The following SCAI variants were observed in gnomAD, a reference collection of about 807,000 sequenced individuals.
SCAI encodes suppressor of cancer cell invasion.
A neutral mutation model predicts 92.2 loss-of-function variants in SCAI; 24 were observed. The ratio of observed to expected loss-of-function variants is 0.26; its 90% CI spans 0.19 to 0.37. The LOEUF is 0.37. SCAI is among the 10% of genes least tolerant of loss of function. The pLI is 1.00. For synonymous variants in SCAI, 261 were observed against 258.6 expected, an observed-to-expected ratio of 1.01 and a Z score of -0.09; for missense variants, 450 against 736.2, an observed-to-expected ratio of 0.61 and a Z score of 4.50.
At chr9:125,143,340 G>A in intron 1 of SCAI, 45 bp downstream of exon 1, 1 of 1,200,122 alleles carries the variant, frequency 8.3e-7, no homozygotes, top group Non-Finnish European at 1.1e-6. Flanking sequence ...CCGCTCCCTG[G>A]CCCCCACCCC....
At chr9:125,005,685 T>C (rs892865161) in intron 9 of SCAI, among the ~76,000 whole-genome samples, 25 of 152,312 alleles carry the variant, frequency 1.6e-4, no homozygotes, top group Middle Eastern at 3.4e-3. Context: ...TGGGCACTAA[T>C]GCCTTGTTTT....
At position 125,091,824 on chromosome 9, in the gene SCAI, G is replaced by T. The variant is rs1022135124; in HGVS notation, c.99-35817C>A. Among the ~76,000 whole-genome samples the T allele has an allele frequency of 2.0e-5, 3 of 152,110 alleles. No homozygotes were observed. The highest frequency in any genetic ancestry group is 7.2e-5 in the African/African-American group (3 of 41,428). ...GTTTTATATTTCACTAAAAAACAGA[G>T]GCTTGGGCCGGGCACAGTGGCTCAC... On this transcript the variant is annotated intron_variant, in intron 2 of 17. Transcript: ENST00000336505. The surrounding 1 kb of genome is among the most constrained non-coding windows in gnomAD (Gnocchi z 4.3).
At chr9:125,126,427 G>C (rs970540655) in intron 2 of SCAI, among the ~76,000 whole-genome samples, 4 of 151,584 alleles carry the variant, frequency 2.6e-5, no homozygotes, top group African/African-American at 9.8e-5. Flanking sequence ...GTGTGTGAGA[G>C]AGAGAGAGAA....
At chr9:125,027,005 A>T in intron 5 of SCAI, 95 bp from the exon 6 acceptor site, 5 of 584,332 alleles carry the variant, frequency 8.6e-6, no homozygotes, top group Non-Finnish European at 8.6e-6. Context: ...CCTCTGTGGC[A>T]CGGGGTGCGG....
At chr9:124,988,963 C>A (rs1323938871) in intron 14 of SCAI, among the ~76,000 whole-genome samples, 2 of 152,008 alleles carry the variant, frequency 1.3e-5, no homozygotes, top group Admixed American at 6.6e-5. Context: ...GATGGTGAAA[C>A]CCCATCTCTA....
At chr9:125,052,197 C>A (rs1174987535) in intron 3 of SCAI, among the ~76,000 whole-genome samples, 2 of 152,094 alleles carry the variant, frequency 1.3e-5, no homozygotes, top group Non-Finnish European at 2.9e-5. Context: ...ACCAAAAGTA[C>A]AAGCAATGAA....
At chr9:125,039,343 C>T (rs1006130433) in intron 3 of SCAI, among the ~76,000 whole-genome samples, 3 of 147,074 alleles carry the variant, frequency 2.0e-5, no homozygotes, top group Admixed American at 6.9e-5. Flanking sequence ...ACCAAGATCA[C>T]GCCACTGCAC....
At chr9:125,048,607 A>G (rs1833494557) in intron 3 of SCAI, among the ~76,000 whole-genome samples, 1 of 152,168 alleles carries the variant, frequency 6.6e-6, no homozygotes, top group Non-Finnish European at 1.5e-5. Flanking sequence ...GGGTCAATGG[A>G]ACAAACTGTT....
intron 9 of SCAI, among the ~76,000 whole-genome samples, chr9:125,007,230 GAAAC>G (rs531131003): frequency 2.6e-5 from 4 of 152,118 alleles, no homozygotes; most frequent in Non-Finnish European, 5.9e-5. Flanking sequence ...TTAAAAGTGA[GAAAC>G]AAGCAATAGA....
chr9:125,047,682 T>C (rs928706135), intron 3 of SCAI, among the ~76,000 whole-genome samples: 35 of 152,146 alleles, frequency 2.3e-4, no homozygotes, highest in African/African-American at 8.4e-4. Context: ...TGGGAGGAAT[T>C]TTGCCTGAGC....
At chr9:125,098,870 G>C (rs896217668) in intron 2 of SCAI, among the ~76,000 whole-genome samples, 2 of 152,024 alleles carry the variant, frequency 1.3e-5, no homozygotes, top group African/African-American at 4.8e-5. Context: ...TAATTCCTGG[G>C]TTTGTCTGTA....
chr9:125,101,454 C>T (rs1358309580), intron 2 of SCAI, among the ~76,000 whole-genome samples: 1 of 152,074 alleles, frequency 6.6e-6, no homozygotes, highest in Non-Finnish European at 1.5e-5. Context: ...GAGGATAAGA[C>T]AAGGTGAAGA....
chr9:125,138,702 T>C (rs1050198379), intron 2 of SCAI, among the ~76,000 whole-genome samples: 14 of 151,950 alleles, frequency 9.2e-5, no homozygotes, highest in African/African-American at 9.7e-5. Context: ...GATTGAGCCA[T>C]CGTGCCCGGC....
chr9:125,002,182 C>T (rs1832375013), intron 11 of SCAI, 139 bp from the exon 12 acceptor site: 2 of 636,608 alleles, frequency 3.1e-6, no homozygotes, highest in Non-Finnish European at 5.6e-6. Flanking sequence ...AAACGCTCTT[C>T]TTGGTCCTGA....
At chr9:125,032,487 C>T (rs371759705) in intron 3 of SCAI, among the ~76,000 whole-genome samples, 51 of 151,646 alleles carry the variant, frequency 3.4e-4, no homozygotes, top group African/African-American at 1.2e-3. Flanking sequence ...CCACCATGCC[C>T]GGCCTCTGGT....
intron 5 of SCAI, among the ~76,000 whole-genome samples, chr9:125,027,630 C>T (rs1194149749): frequency 1.3e-5 from 2 of 152,044 alleles, no homozygotes; most frequent in Non-Finnish European, 1.5e-5. Flanking sequence ...AAGCAATTTT[C>T]CTCCCTCAGC....
chr9:124,983,707 C>T (rs1313865852), intron 14 of SCAI, among the ~76,000 whole-genome samples: 2 of 152,206 alleles, frequency 1.3e-5, no homozygotes, highest in Non-Finnish European at 2.9e-5. Context: ...CCACAGTAAA[C>T]TAACCAACTA....
intron 17 of SCAI, among the ~76,000 whole-genome samples, chr9:124,956,511 G>A (rs1237100476): frequency 2.6e-5 from 4 of 152,078 alleles, no homozygotes; most frequent in African/African-American, 7.2e-5. Context: ...GAGCCACCGC[G>A]CCTGGCTGAT....
At position 124,956,693 on chromosome 9, in the gene SCAI, C is replaced by A. The variant is rs187113138; in HGVS notation, c.1675-3740G>T. On this transcript the variant is annotated intron_variant, in intron 17 of 17. Transcript: ENST00000336505. The stretch of plus-strand genomic sequence containing the variant: ...TCTGAGAAAGGGTATCTATGAATAA[C>A]CAACAATTTACATCATAATTTATGG... Among the ~76,000 whole-genome samples the A allele has an allele frequency of 1.6e-3, 244 of 152,214 alleles. 1 individual carries two copies. The highest frequency in any genetic ancestry group is 5.7e-3 in the African/African-American group (236 of 41,530).
Sources: gnomAD v4.1 joint callset for allele counts (sites outside exome capture counted in the v4.1 genomes callset) on GRCh38, gnomAD v4.1.1 for gene constraint, Gnocchi (gnomAD v3.1) non-coding constraint, MANE v1.5 for transcripts, NCBI Gene and HGNC (gene_info 2026-07-23, HGNC 2026-07-21) for gene names.